The following TWNK variants were observed in gnomAD, a reference collection of about 807,000 sequenced individuals.
The protein encoded by TWNK is twinkle mtDNA helicase.
Under a neutral mutation model 58.2 loss-of-function variants are expected in TWNK, and 36 were observed. The ratio of observed to expected loss-of-function variants is 0.62; its 90% CI spans 0.47 to 0.82. TWNK has a LOEUF of 0.82. Ranked by LOEUF, TWNK falls within the 40% of genes least tolerant of loss-of-function variation. The pLI is 0.00. For missense variants in TWNK, 714 were observed against 881.0 expected (o/e 0.81, Z 2.40); for synonymous variants, 349 against 348.5 (o/e 1.00, Z -0.02).
chr10:100,993,124 C>T (rs953287876), intron 4 of TWNK, 66 bp from the exon 5 acceptor site: 3 of 1,528,908 alleles, frequency 2.0e-6, no homozygotes, highest in South Asian at 2.2e-5. Context: ...GCCCTGTCAG[C>T]CCCCCTTTCT....
At chr10:100,992,553 AG>A (rs1564811004) in intron 4 of TWNK, among the ~76,000 whole-genome samples, 169 of 148,690 alleles carry the variant, frequency 1.1e-3, no homozygotes, top group African/African-American at 3.9e-3. Context: ...AAAAAAAAAA[AG>A]AATGGTCTCC....
rs770255608 is a variant in TWNK at position 100,989,666 on chromosome 10, G to A, written c.1266G>A (p.Thr422=). 18 of 1,614,030 alleles carry A rather than the reference G, an allele frequency of 1.1e-5. No homozygotes were observed. Among genetic ancestry groups the A allele is most frequent in the Non-Finnish European group, 1.4e-5 (16 of 1,180,038 alleles). The part of the protein sequence containing the change: ...VFTGPTGSGK[T]TFISEYALDL... ...CAGGGCCAACAGGCAGTGGAAAGACGACATTCATCAGTGAGTATGCCCTGG... is the reference window on the plus strand; with the variant it reads ...CAGGGCCAACAGGCAGTGGAAAGACAACATTCATCAGTGAGTATGCCCTGG... The change falls in exon 2 of 5, where the codon ACG becomes ACA. Residue 422 remains threonine, a synonymous_variant. Transcript: ENST00000311916. The surrounding 1 kb of genome is among the most constrained non-coding windows in gnomAD (Gnocchi z 7.6).
rs547941975 is a variant in TWNK, at chr10:100,989,032, G to A, written c.822G>A (p.Gln274=). 1 of 1,614,156 alleles carries A rather than the reference G, an allele frequency of 6.2e-7. No individual in the cohort carries two copies. Among genetic ancestry groups the A allele is most frequent in the African/African-American group, 1.3e-5 (1 of 75,024 alleles). ...AGCTTGACAGCCTGGCCTTGAACCA[G>A]TCCACGGGGCTGCCTACCCTTACTC... ...SRELDSLALN[Q]STGLPTLTLP... is the part of the protein sequence containing the mutation. The change falls in exon 1 of 5, where the codon CAG becomes CAA. Residue 274 remains glutamine (Q), a synonymous_variant. Coordinates refer to ENST00000311916, the MANE Select transcript of TWNK (RefSeq NM_021830.5). This position sits in a 1 kb window ranked among gnomAD's most constrained non-coding sequence, Gnocchi z 7.6.
Position 100,989,203 on chromosome 10 carries a change from C to CT in TWNK, c.995dup (p.Leu332PhefsTer96). ...GAAAACTGAACCCCAAACGATGCTT[C>CT]TTGGTGCGACCAGGAGACCAGCAAC... On this transcript the variant is annotated frameshift_variant, in exon 1 of 5. Transcript: ENST00000311916. LOFTEE classifies it high-confidence loss of function. This position sits in a 1 kb window ranked among gnomAD's most constrained non-coding sequence, Gnocchi z 7.6. The CT allele has an allele frequency of 6.2e-7, 1 of 1,614,184 alleles. No individual in the cohort carries two copies. The highest frequency in any genetic ancestry group is 1.1e-5 in the South Asian group (1 of 91,084).
In TWNK at chr10:100,987,633, C is replaced by T. The variant is rs761766501; in HGVS notation, c.-578C>T. The T allele has an allele frequency of 2.3e-5, 18 of 784,400 alleles. No homozygotes were observed. The highest frequency in any genetic ancestry group is 3.4e-5 in the Non-Finnish European group (17 of 506,382). The allele number at this position is 784,400 out of a possible 1,614,324, so 48.6% of individuals were successfully genotyped here. On this transcript the variant is annotated 5_prime_UTR_variant, in exon 1 of 5. Transcript: ENST00000311916. ...AAAGTGGTAACCTGGGGCTGGGGGC[C>T]GGCGCGGCGGAGCTCGGAGTAGTAG... is the stretch of plus-strand genomic sequence containing the variant.
intron 4 of TWNK, among the ~76,000 whole-genome samples, chr10:100,992,753 G>A (rs940566907): frequency 2.6e-5 from 4 of 151,896 alleles, no homozygotes; most frequent in Non-Finnish European, 5.9e-5. Context: ...TTTGGTCATG[G>A]GGGGAAGTAC....
chr10:100,992,224 TTTTTTTTG>T (rs1851798176), intron 4 of TWNK, among the ~76,000 whole-genome samples: 1 of 124,590 alleles, frequency 8.0e-6, no homozygotes, highest in Admixed American at 7.9e-5. Context: ...TTTTTTTTTT[TTTTTTTTG>T]AGACGGAGTC....
intron 4 of TWNK, chr10:100,991,374 G>T (rs1262336435): frequency 2.0e-5 from 7 of 354,698 alleles, no homozygotes; most frequent in South Asian, 1.9e-4. Flanking sequence ...ACAAAGGTTG[G>T]GTTGAGGTTT....
rs1243417091 is a variant in TWNK, at chr10:100,993,693, G to A, written c.*183G>A. 5.9e-6 allele frequency: 4 copies of A among 676,718 alleles called. No individual in the cohort carries two copies. The highest frequency in any genetic ancestry group is 1.0e-5 in the Non-Finnish European group (4 of 394,876). 41.9% of individuals were successfully genotyped at this position (676,718 alleles called of 1,614,324 possible). On this transcript the variant is annotated 3_prime_UTR_variant, in exon 5 of 5. Transcript: ENST00000311916. ...TAGCAGACTACTGAGAAACTACTGTGTTGCTCAGGCTTTGTTTGAGGTCCT... is the reference window on the plus strand; with the variant it reads ...TAGCAGACTACTGAGAAACTACTGTATTGCTCAGGCTTTGTTTGAGGTCCT...
At chr10:100,991,974 G>A (rs561643155) in intron 4 of TWNK, among the ~76,000 whole-genome samples, 4 of 150,258 alleles carry the variant, frequency 2.7e-5, no homozygotes, top group Non-Finnish European at 4.4e-5. Context: ...CGGAGATCGC[G>A]CCACTGCACT....
Position 100,987,558 on chromosome 10 carries a change from G to A in TWNK, c.-653G>A. 1 of 1,440,562 alleles carries A rather than the reference G, an allele frequency of 6.9e-7. No individual in the cohort carries two copies. The highest frequency in any genetic ancestry group is 9.2e-7 in the Non-Finnish European group (1 of 1,084,952). The allele number at this position is 1,440,562 out of a possible 1,614,324, so 89.2% of individuals were successfully genotyped here. ...CCGGAGTTTTGCTTCCGAGGTCAAG[G>A]CGAGTAGCATGTGCGGGAGACTCAC... On this transcript the variant is annotated 5_prime_UTR_variant, in exon 1 of 5. Coordinates refer to ENST00000311916, the MANE Select transcript of TWNK (RefSeq NM_021830.5).
rs1851680397 is a variant in TWNK, at chr10:100,989,026, G to C, written c.816G>C (p.Leu272Phe). ...LTSRELDSLALNQSTGLPTLT... is the reference protein window; with the variant it reads ...LTSRELDSLAFNQSTGLPTLT... The stretch of plus-strand genomic sequence containing the variant: ...GTCGTGAGCTTGACAGCCTGGCCTT[G>C]AACCAGTCCACGGGGCTGCCTACCC... The change falls in exon 1 of 5, where the codon TTG becomes TTC. Residue 272 changes from leucine to phenylalanine, a missense_variant. By Grantham distance (22) the Leu-to-Phe change is conservative (BLOSUM62 0). This residue lies in a region of TWNK where 348 missense variants were observed against 388.4 expected (regional missense o/e 0.90). Transcript: ENST00000311916. This position sits in a 1 kb window ranked among gnomAD's most constrained non-coding sequence, Gnocchi z 7.6. 2 of 1,614,156 alleles carry C rather than the reference G, an allele frequency of 1.2e-6. No homozygotes were observed. The highest frequency in any genetic ancestry group is 1.7e-6 in the Non-Finnish European group (2 of 1,180,026).
At chr10:100,990,804 A>C (rs1352615947) in intron 3 of TWNK, 65 bp from the exon 4 acceptor site, 1 of 1,599,060 alleles carries the variant, frequency 6.3e-7, no homozygotes, top group African/African-American at 1.3e-5. Context: ...GAATGGATCA[A>C]GAGTATGTGT....
Position 100,990,409 on chromosome 10 carries a change from C to A in TWNK, c.1485-27C>A. The A allele has an allele frequency of 2.5e-6, 4 of 1,584,582 alleles. No homozygotes were observed. The South Asian group carries it at 4.4e-5, about 18-fold the overall frequency. On this transcript the variant is annotated intron_variant, in intron 2 of 4. Coordinates refer to ENST00000311916, the MANE Select transcript of TWNK (RefSeq NM_021830.5). Reference sequence around the variant, plus strand: ...CTGGGGTGGTCTAGAGACAACTTGTCAAATTCCTTGCCTTTCCTCTTCCCA... The same window carrying A: ...CTGGGGTGGTCTAGAGACAACTTGTAAAATTCCTTGCCTTTCCTCTTCCCA...
At position 100,989,905 on chromosome 10, in the gene TWNK, C is replaced by T; in HGVS notation, c.1484+21C>T. On this transcript the variant is annotated intron_variant, in intron 2 of 4. Transcript: ENST00000311916. The surrounding 1 kb of genome is among the most constrained non-coding windows in gnomAD (Gnocchi z 7.6). Reference sequence around the variant, plus strand: ...ATCAGGTGAGACTCCCAGATTCCAGCCACCTTGCTTTCCCAGACATATCCC... The same window carrying T: ...ATCAGGTGAGACTCCCAGATTCCAGTCACCTTGCTTTCCCAGACATATCCC... 6.2e-7 allele frequency: 1 copy of T among 1,614,130 alleles called. No individual in the cohort carries two copies. The highest frequency in any genetic ancestry group is 1.3e-5 in the African/African-American group (1 of 75,056).
chr10:100,989,238 T>C lies in TWNK; in HGVS notation c.1028T>C (p.Leu343Pro). Residue 343 changes from leucine (L) to proline (P), a missense_variant, in exon 1 of 5, where the codon CTG becomes CCG. Coordinates refer to ENST00000311916, the MANE Select transcript of TWNK (RefSeq NM_021830.5). This position sits in a 1 kb window ranked among gnomAD's most constrained non-coding sequence, Gnocchi z 7.6. ...VRPGDQQPRP[L>P]EALNGGFNLS... ...CCAGGAGACCAGCAACCCCGTCCCC[T>C]GGAGGCCCTGAACGGAGGCTTCAAT... The C allele has an allele frequency of 6.2e-7, 1 of 1,614,186 alleles. No homozygotes were observed. Among genetic ancestry groups the C allele is most frequent in the East Asian group, 2.2e-5 (1 of 44,882 alleles).
chr10:100,993,998 C>T lies in TWNK; in HGVS notation c.*488C>T, dbSNP rs1851858120. 2 of 180,868 alleles carry T rather than the reference C, an allele frequency of 1.1e-5. No homozygotes were observed. The highest frequency in any genetic ancestry group is 4.8e-5 in the African/African-American group (2 of 41,792). The allele number at this position is 180,868 out of a possible 1,614,324, so 11.2% of individuals were successfully genotyped here. On this transcript the variant is annotated 3_prime_UTR_variant, in exon 5 of 5. Coordinates refer to ENST00000311916, the MANE Select transcript of TWNK (RefSeq NM_021830.5). ...ACCCAGGCAGAGAGAAAAGGAAATC[C>T]AAGCCCTGAGGTAGGAATGAGCAGG...
Position 100,987,631 on chromosome 10 carries a change from G to A in TWNK, c.-580G>A, listed in dbSNP as rs1851604102. ...GAAAAGTGGTAACCTGGGGCTGGGG[G>A]CCGGCGCGGCGGAGCTCGGAGTAGT... On this transcript the variant is annotated 5_prime_UTR_variant, in exon 1 of 5. Transcript: ENST00000311916. The A allele has an allele frequency of 2.5e-6, 2 of 815,528 alleles. No individual in the cohort carries two copies. Among genetic ancestry groups the A allele is most frequent in the Admixed American group, 5.8e-5 (2 of 34,438 alleles). The allele number at this position is 815,528 out of a possible 1,614,324, so 50.5% of individuals were successfully genotyped here. A position where few individuals can be genotyped will look rare whatever the true frequency, so the allele number is the denominator to read the frequency against.
chr10:100,992,140 C>G (rs1378627621), intron 4 of TWNK, among the ~76,000 whole-genome samples: 1 of 147,534 alleles, frequency 6.8e-6, no homozygotes. Context: ...GAGGTTGAGA[C>G]TGCAGTGAGC....
Sources: allele counts gnomAD v4.1 joint callset (sites outside exome capture counted in the v4.1 genomes callset), GRCh38; gene constraint gnomAD v4.1.1; regional missense constraint gnomAD v4.1.1; non-coding constraint Gnocchi (gnomAD v3.1); transcripts MANE v1.5; gene names NCBI Gene and HGNC (gene_info 2026-07-23, HGNC 2026-07-21).